TMEM178B: variants seen among roughly 807,000 people sequenced by gnomAD.
The protein encoded by TMEM178B is transmembrane protein 178B.
TMEM178B carries 5 observed loss-of-function variants against 31.0 expected under a neutral mutation model. The ratio of observed to expected loss-of-function variants is 0.16; its 90% confidence interval spans 0.08 to 0.34. The LOEUF (loss-of-function observed/expected upper bound fraction) is 0.34, where lower values mean the gene tolerates loss of function less well. Ranked by LOEUF, TMEM178B falls within the 10% of genes least tolerant of loss-of-function variation. The pLI, the probability that TMEM178B is intolerant of heterozygous loss-of-function variation, is 1.00. For missense variants in TMEM178B, 275 were observed against 400.3 expected, an observed-to-expected ratio of 0.69 and a Z score of 2.67; for synonymous variants, 164 against 164.0, an observed-to-expected ratio of 1.00 and a Z score of 0.00.
At chr7:141,352,407 T>C in intron 2 of TMEM178B, 1 of 148,184 alleles carries the variant, frequency 6.7e-6, no homozygotes, top group Non-Finnish European at 1.5e-5. Flanking sequence ...AGACCGAGTC[T>C]CACTCTGTCA....
chr7:141,315,861 C>G (rs966523610), intron 2 of TMEM178B, among the ~76,000 whole-genome samples: 1 of 152,174 alleles, frequency 6.6e-6, no homozygotes, highest in African/African-American at 2.4e-5. Flanking sequence ...AGCTATTTTA[C>G]AAACTTATTT....
At chr7:141,348,758 T>A (rs1360827497) in intron 2 of TMEM178B, among the ~76,000 whole-genome samples, 1 of 152,140 alleles carries the variant, frequency 6.6e-6, no homozygotes, top group East Asian at 1.9e-4. Flanking sequence ...TTACCCTGAG[T>A]GGACGGCTGA....
intron 2 of TMEM178B, among the ~76,000 whole-genome samples, chr7:141,386,704 G>T (rs948287088): frequency 6.6e-6 from 1 of 152,114 alleles, no homozygotes; most frequent in Admixed American, 6.5e-5. Flanking sequence ...CAAACACTGC[G>T]ACTATGCATA....
chr7:141,493,357 C>T, the TMEM178B span, among the ~76,000 whole-genome samples: 1 of 152,212 alleles, frequency 6.6e-6, no homozygotes, highest in Non-Finnish European at 1.5e-5. Flanking sequence ...AGACGATGCC[C>T]TACAGATGTT....
At chr7:141,374,929 A>G (rs1800186194) in intron 2 of TMEM178B, among the ~76,000 whole-genome samples, 1 of 152,126 alleles carries the variant, frequency 6.6e-6, no homozygotes, top group Admixed American at 6.5e-5. Flanking sequence ...CACCTTCTGC[A>G]TCCTCTTCAG....
chr7:141,351,519 G>A (rs1331402183), intron 2 of TMEM178B, among the ~76,000 whole-genome samples: 1 of 152,230 alleles, frequency 6.6e-6, no homozygotes, highest in African/African-American at 2.4e-5. Context: ...GTTGCTCAAA[G>A]TAAGTCACAA....
intron 3 of TMEM178B, among the ~76,000 whole-genome samples, chr7:141,439,309 C>T (rs1267905336): frequency 6.6e-6 from 1 of 152,114 alleles, no homozygotes; most frequent in East Asian, 1.9e-4. Flanking sequence ...CCAGAGCTGC[C>T]TCCTCAGTGA....
intron 1 of TMEM178B, among the ~76,000 whole-genome samples, chr7:141,178,038 G>A (rs1042850349): frequency 1.3e-5 from 2 of 152,128 alleles, no homozygotes; most frequent in Non-Finnish European, 2.9e-5. Flanking sequence ...TCATAGCATC[G>A]ATGGCCTTTA....
At chr7:141,241,043 G>A (rs6464434) in intron 2 of TMEM178B, among the ~76,000 whole-genome samples, 71,799 of 147,964 alleles carry the variant, frequency 0.49, 18,132 homozygotes, top group East Asian at 0.84. Context: ...GGGTACAAGC[G>A]TTTTTTTTTG....
intron 1 of TMEM178B, among the ~76,000 whole-genome samples, chr7:141,204,514 G>A (rs989702778): frequency 2.6e-5 from 4 of 152,158 alleles, no homozygotes; most frequent in African/African-American, 7.2e-5. Flanking sequence ...GGAGGTGAAC[G>A]GAGGGGATGT....
chr7:141,502,669 C>T, the TMEM178B span, among the ~76,000 whole-genome samples: 1 of 151,902 alleles, frequency 6.6e-6, no homozygotes, highest in African/African-American at 2.4e-5. Flanking sequence ...ATTCGGGAGG[C>T]TGAGGCAGGA....
chr7:141,394,062 A>G (rs1244459672), intron 2 of TMEM178B, among the ~76,000 whole-genome samples: 2 of 150,810 alleles, frequency 1.3e-5, no homozygotes, highest in Non-Finnish European at 2.9e-5. Context: ...AAGCTCTGTC[A>G]CTTGAGGTCC....
At position 141,190,476 on chromosome 7, in the gene TMEM178B, A is replaced by AT. The variant is rs879566403; in HGVS notation, c.383-22102dup. 7.7e-3 allele frequency among the ~76,000 whole-genome samples: 1,110 copies of AT among 144,660 alleles called. 6 individuals carry two copies. The highest frequency in any genetic ancestry group is 0.021 in the African/African-American group (846 of 39,664). The allele number at this position is 144,660 out of a possible 152,430, so 94.9% of individuals were successfully genotyped here. On this transcript the variant is annotated intron_variant, in intron 1 of 3. Coordinates refer to ENST00000565468, the MANE Select transcript of TMEM178B (RefSeq NM_001195278.2). ...CTACAGTCATGTGCCACTGTGGCTAATTTTTTTTTTTTTATATAGAGATGA... is the reference window on the plus strand; with the variant it reads ...CTACAGTCATGTGCCACTGTGGCTAATTTTTTTTTTTTTTATATAGAGATGA...
In TMEM178B at chr7:141,422,854, G is replaced by C. The variant is rs1034972105; in HGVS notation, c.497-14754G>C. ...CTCTTGTTATATGTAAACTGAAGGC[G>C]GCGAGAGCACTATGAGTTGCAGAAC... is the stretch of plus-strand genomic sequence containing the variant. On this transcript the variant is annotated intron_variant, in intron 2 of 3. Transcript: ENST00000565468. The surrounding 1 kb of genome is among the most constrained non-coding windows in gnomAD (Gnocchi z 4.2). Among the ~76,000 whole-genome samples, 1 of 152,038 alleles carries C rather than the reference G, an allele frequency of 6.6e-6. No homozygotes were observed. Among genetic ancestry groups the C allele is most frequent in the South Asian group, 2.1e-4 (1 of 4,822 alleles).
intron 3 of TMEM178B, among the ~76,000 whole-genome samples, chr7:141,443,781 A>C (rs910871490): frequency 2.0e-5 from 3 of 152,152 alleles, no homozygotes; most frequent in African/African-American, 7.2e-5. Context: ...GTAGCTATCT[A>C]ATTTGGAATT....
chr7:141,359,878 C>CTT (rs1339626160), intron 2 of TMEM178B, among the ~76,000 whole-genome samples: 1 of 152,092 alleles, frequency 6.6e-6, no homozygotes, highest in Non-Finnish European at 1.5e-5. Flanking sequence ...TGATGAAAGG[C>CTT]GAAAGGCACA....
chr7:141,219,561 TCATCATA>T (rs1797221405), intron 2 of TMEM178B, among the ~76,000 whole-genome samples: 1 of 152,168 alleles, frequency 6.6e-6, no homozygotes, highest in South Asian at 2.1e-4. Context: ...CAACAGCGTG[TCATCATA>T]GGTTGCCTTG....
At chr7:141,355,598 A>T (rs556624309) in intron 2 of TMEM178B, among the ~76,000 whole-genome samples, 4 of 152,252 alleles carry the variant, frequency 2.6e-5, no homozygotes, top group Non-Finnish European at 4.4e-5. Flanking sequence ...TTCAACACAG[A>T]TGGGCATTCA....
intron 2 of TMEM178B, among the ~76,000 whole-genome samples, chr7:141,313,365 C>T (rs902277741): frequency 1.3e-5 from 2 of 152,094 alleles, no homozygotes; most frequent in Admixed American, 1.3e-4. Context: ...TTGCTCTCAC[C>T]CTCATGGCTC....
Sources: allele counts gnomAD v4.1 joint callset (sites outside exome capture counted in the v4.1 genomes callset), GRCh38; gene constraint gnomAD v4.1.1; non-coding constraint Gnocchi (gnomAD v3.1); transcripts MANE v1.5; gene names NCBI Gene and HGNC (gene_info 2026-07-23, HGNC 2026-07-21).